DLC1: variants seen among roughly 807,000 people sequenced by gnomAD.
The protein encoded by DLC1 is rho GTPase-activating protein 7.
In DLC1, 54 loss-of-function variants were observed where a neutral mutation model predicts 140.3. The ratio of observed to expected loss-of-function variants is 0.38; its 90% CI spans 0.31 to 0.48. The LOEUF (loss-of-function observed/expected upper bound fraction) is 0.48, where lower values mean the gene tolerates loss of function less well. Ranked by LOEUF, DLC1 falls within the 20% of genes least tolerant of loss-of-function variation. The pLI, the probability that DLC1 is intolerant of heterozygous loss-of-function variation, is 0.96. For synonymous variants in DLC1, 986 were observed against 728.1 expected, an observed-to-expected ratio of 1.35 and a Z score of -5.70; for missense variants, 2,536 against 1,907.0, an observed-to-expected ratio of 1.33 and a Z score of -6.14.
chr8:13,419,448 CT>C (rs1838212286), intron 2 of DLC1, among the ~76,000 whole-genome samples: 1 of 152,100 alleles, frequency 6.6e-6, no homozygotes, highest in Admixed American at 6.6e-5. Context: ...TGTCAAAGGC[CT>C]TTTCTGCATA....
intron 4 of DLC1, among the ~76,000 whole-genome samples, chr8:13,317,062 C>T (rs529998755): frequency 1.3e-4 from 20 of 152,106 alleles, no homozygotes; most frequent in South Asian, 4.1e-4. Flanking sequence ...CATTTATGTA[C>T]GATTAAAGTC....
At chr8:13,416,956 A>T (rs991293220) in intron 2 of DLC1, among the ~76,000 whole-genome samples, 1 of 152,038 alleles carries the variant, frequency 6.6e-6, no homozygotes, top group Non-Finnish European at 1.5e-5. Flanking sequence ...TGCCTTTGTT[A>T]AAGTACTCGT....
intron 5 of DLC1, among the ~76,000 whole-genome samples, chr8:13,279,337 T>C (rs909074742): frequency 2.0e-5 from 3 of 152,192 alleles, no homozygotes; most frequent in African/African-American, 7.2e-5. Context: ...GGACAATACT[T>C]AACAGTTCTT....
intron 5 of DLC1, among the ~76,000 whole-genome samples, chr8:13,182,188 C>G (rs1563143418): frequency 2.0e-5 from 3 of 150,368 alleles, no homozygotes; most frequent in Non-Finnish European, 4.4e-5. Flanking sequence ...AGGGTTTTTT[C>G]TTTTTTTTTC....
At chr8:13,339,061 G>A (rs1467448587) in intron 4 of DLC1, among the ~76,000 whole-genome samples, 1 of 152,080 alleles carries the variant, frequency 6.6e-6, no homozygotes, top group Admixed American at 6.6e-5. Flanking sequence ...CTATGAATAC[G>A]GGCTCAGTAA....
intron 1 of DLC1, among the ~76,000 whole-genome samples, chr8:13,595,620 C>G (rs958538522): frequency 3.3e-5 from 5 of 151,894 alleles, no homozygotes; most frequent in Non-Finnish European, 5.9e-5. Flanking sequence ...ACAGTTTCGA[C>G]TCTTATTGAG....
At chr8:13,217,705 G>A (rs567564393) in intron 5 of DLC1, among the ~76,000 whole-genome samples, 2 of 152,106 alleles carry the variant, frequency 1.3e-5, no homozygotes, top group South Asian at 2.1e-4. Flanking sequence ...GGGCGTGGTG[G>A]TGGGCACCTG....
chr8:13,098,331 G>A (rs1818685502), intron 10 of DLC1, 68 bp downstream of exon 10: 1 of 1,561,862 alleles, frequency 6.4e-7, no homozygotes, highest in Non-Finnish European at 8.7e-7. Context: ...TTACTGTGGG[G>A]ACAACCTCAA....
intron 5 of DLC1, among the ~76,000 whole-genome samples, chr8:13,230,867 G>A (rs1442661720): frequency 6.6e-6 from 1 of 152,070 alleles, no homozygotes; most frequent in Non-Finnish European, 1.5e-5. Context: ...AAAGTGCTGG[G>A]GTTATAGGTG....
intron 5 of DLC1, among the ~76,000 whole-genome samples, chr8:13,143,449 G>A (rs74331515): frequency 0.011 from 1,726 of 152,176 alleles, 37 homozygotes; most frequent in African/African-American, 0.036. Flanking sequence ...AAAAGGTCAG[G>A]TAACTTCAGT....
intron 1 of DLC1, among the ~76,000 whole-genome samples, chr8:13,600,079 T>C (rs1805821226): frequency 6.6e-6 from 1 of 151,908 alleles, no homozygotes; most frequent in Non-Finnish European, 1.5e-5. Context: ...CTAAACTGTG[T>C]CATTAGAAAG....
intron 5 of DLC1, among the ~76,000 whole-genome samples, chr8:13,193,714 A>T (rs1826890910): frequency 6.6e-6 from 1 of 152,206 alleles, no homozygotes; most frequent in African/African-American, 2.4e-5. Flanking sequence ...TGAAAGGATG[A>T]TTCAACCTCT....
intron 6 of DLC1, 85 bp downstream of exon 6, chr8:13,115,500 GC>G: frequency 8.2e-7 from 1 of 1,222,114 alleles, no homozygotes; most frequent in African/African-American, 1.5e-5. Flanking sequence ...CGATAAAACT[GC>G]TGAAAATAAG....
intron 4 of DLC1, among the ~76,000 whole-genome samples, chr8:13,338,300 A>G (rs1833890720): frequency 6.6e-6 from 1 of 152,166 alleles, no homozygotes; most frequent in Non-Finnish European, 1.5e-5. Flanking sequence ...TCACAAAGCC[A>G]TGGTTCGAAA....
At chr8:13,351,164 C>G (rs1454943552) in intron 4 of DLC1, among the ~76,000 whole-genome samples, 1 of 152,176 alleles carries the variant, frequency 6.6e-6, no homozygotes, top group African/African-American at 2.4e-5. Flanking sequence ...ATTTATTCAG[C>G]AAACATGTGT....
chr8:13,202,948 C>T (rs776838007), intron 5 of DLC1, among the ~76,000 whole-genome samples: 48 of 152,152 alleles, frequency 3.2e-4, no homozygotes, highest in Non-Finnish European at 4.9e-4. Flanking sequence ...TGCTAGATTA[C>T]AGGCATGAGT....
In DLC1 at chr8:13,582,700, T is replaced by A. The variant is rs998984128; in HGVS notation, c.-126+21837A>T. Among the ~76,000 whole-genome samples, 9 of 151,396 alleles carry A rather than the reference T, an allele frequency of 5.9e-5. No homozygotes were observed. The East Asian group carries it at 1.6e-3, about 26-fold the overall frequency. On this transcript the variant is annotated intron_variant, in intron 1 of 1. Transcript: ENST00000631382. ...AATAAACTTCCATATATATATATAT[T>A]TTTTCCATTCATTCTGTCCCTCTAG...
chr8:13,497,681 A>G (rs989214205), intron 2 of DLC1, among the ~76,000 whole-genome samples: 2 of 152,224 alleles, frequency 1.3e-5, no homozygotes, highest in African/African-American at 4.8e-5. Context: ...GAGCTATGCC[A>G]TAGGTCAGTT....
At chr8:13,443,056 G>A (rs1216535048) in intron 2 of DLC1, among the ~76,000 whole-genome samples, 2 of 152,024 alleles carry the variant, frequency 1.3e-5, no homozygotes, top group East Asian at 3.9e-4. Context: ...CCTTTGTAGG[G>A]ACATGGATGA....
Sources: allele counts gnomAD v4.1 joint callset (sites outside exome capture counted in the v4.1 genomes callset), GRCh38; gene constraint gnomAD v4.1.1; transcripts MANE v1.5; gene names NCBI Gene and HGNC (gene_info 2026-07-23, HGNC 2026-07-21).